The following MTMR8 variants were observed in gnomAD, a reference collection of about 807,000 sequenced individuals.
MTMR8 encodes the protein myotubularin related protein 8, also known as phosphatidylinositol-3,5-bisphosphate 3-phosphatase MTMR8.
A neutral mutation model predicts 39.3 loss-of-function variants in MTMR8; 65 were observed. That is an observed-to-expected ratio of 1.65 (90% CI 1.35 to 2.03). MTMR8 has a LOEUF of 2.03. Among genes scored for constraint, MTMR8 ranks in the 30% most tolerant of loss-of-function variants. The pLI is 0.00. For missense variants in MTMR8, 777 were observed against 538.9 expected, an observed-to-expected ratio of 1.44 and a Z score of -4.37; for synonymous variants, 245 against 185.2, an observed-to-expected ratio of 1.32 and a Z score of -2.62.
chrX:64,280,232 A>G lies in MTMR8; in HGVS notation c.1482-9159T>C, dbSNP rs148363662. 9.5e-3 allele frequency among the ~76,000 whole-genome samples: 1,063 copies of G among 112,003 alleles called. 16 individuals are homozygous for G. Among genetic ancestry groups the G allele is most frequent in the African/African-American group, 0.031 (955 of 30,845 alleles). On this transcript the variant is annotated intron_variant, in intron 12 of 13. Coordinates refer to ENST00000374852, the MANE Select transcript of MTMR8 (RefSeq NM_017677.4). ...CATCATCCTGATACCAAAACCTGGC[A>G]GAGACACAATAAAGAAAGAAAACTT... is the stretch of plus-strand genomic sequence containing the variant.
chrX:64,371,149 CTCAA>C (rs1263035017), intron 1 of MTMR8, among the ~76,000 whole-genome samples: 1 of 111,871 alleles, frequency 8.9e-6, no homozygotes, highest in Non-Finnish European at 1.9e-5. Flanking sequence ...AAGTCCCTAG[CTCAA>C]TCAATTAACA....
intron 13 of MTMR8, among the ~76,000 whole-genome samples, chrX:64,269,486 A>C (rs993253914): frequency 9.0e-6 from 1 of 111,361 alleles, no homozygotes; most frequent in Non-Finnish European, 1.9e-5. Context: ...CACATGTACA[A>C]AGTAAAGAAC....
intron 12 of MTMR8, among the ~76,000 whole-genome samples, chrX:64,308,318 C>T (rs1285755974): frequency 4.8e-5 from 4 of 83,401 alleles, no homozygotes; most frequent in South Asian, 1.0e-3. Flanking sequence ...TCACGGCTGG[C>T]TATTTTTTTT....
At chrX:64,314,204 C>G (rs1922396012) in intron 12 of MTMR8, among the ~76,000 whole-genome samples, 1 of 112,922 alleles carries the variant, frequency 8.9e-6, no homozygotes, top group Non-Finnish European at 1.9e-5. Flanking sequence ...TGAGTGGTAA[C>G]AGCTAAAGTG....
intron 12 of MTMR8, among the ~76,000 whole-genome samples, chrX:64,277,742 T>G (rs779645762): frequency 9.0e-6 from 1 of 111,001 alleles, no homozygotes; most frequent in Admixed American, 9.6e-5. Flanking sequence ...ATCTTTGTGG[T>G]GTTCTCTTAT....
At chrX:64,350,333 G>A (rs1364520835) in intron 4 of MTMR8, among the ~76,000 whole-genome samples, 1 of 109,851 alleles carries the variant, frequency 9.1e-6, no homozygotes, top group Non-Finnish European at 1.9e-5. Flanking sequence ...TCCTCTACCT[G>A]TCTGCTTCAT....
At position 64,381,852 on chromosome X, in the gene MTMR8, A is replaced by G. The variant is rs377695452; in HGVS notation, c.24+13488T>C. On this transcript the variant is annotated intron_variant, in intron 1 of 13. Coordinates refer to ENST00000374852, the MANE Select transcript of MTMR8 (RefSeq NM_017677.4). ...GCCAGTTTTCCAAGCACTATTTATT[A>G]AATAGGGAATTGTTTCCCCATTTCT... Among the ~76,000 whole-genome samples the G allele has an allele frequency of 1.4e-4, 16 of 111,934 alleles. No individual in the cohort carries two copies. The East Asian group carries it at 4.5e-3, about 31-fold the overall frequency.
At chrX:64,279,244 C>T (rs898244048) in intron 12 of MTMR8, among the ~76,000 whole-genome samples, 4 of 112,114 alleles carry the variant, frequency 3.6e-5, no homozygotes, top group Admixed American at 9.5e-5. Flanking sequence ...AAACTCATTT[C>T]GTGTTAGCCA....
At chrX:64,333,376 C>A (rs1022949342) in intron 10 of MTMR8, among the ~76,000 whole-genome samples, 1 of 111,667 alleles carries the variant, frequency 9.0e-6, no homozygotes, top group Non-Finnish European at 1.9e-5. Context: ...AAAAAAATTT[C>A]TAACTTCTGC....
chrX:64,293,168 G>A (rs1401029609), intron 12 of MTMR8, among the ~76,000 whole-genome samples: 2 of 111,313 alleles, frequency 1.8e-5, no homozygotes, highest in African/African-American at 3.3e-5. Flanking sequence ...TTCTCAGGAG[G>A]GCGCCTGATA....
intron 12 of MTMR8, among the ~76,000 whole-genome samples, chrX:64,300,398 A>C (rs1412851455): frequency 2.7e-5 from 3 of 110,144 alleles, no homozygotes; most frequent in South Asian, 3.9e-4. Context: ...AGCATTGCAA[A>C]CCCTGCCTTT....
intron 10 of MTMR8, among the ~76,000 whole-genome samples, chrX:64,334,301 CT>C (rs1432258027): frequency 9.1e-6 from 1 of 110,095 alleles, no homozygotes; most frequent in Non-Finnish European, 1.9e-5. Context: ...AGGCAGAAAC[CT>C]TTGAGTTTTA....
At chrX:64,273,378 C>T (rs1308692542) in intron 12 of MTMR8, among the ~76,000 whole-genome samples, 2 of 108,434 alleles carry the variant, frequency 1.8e-5, no homozygotes, top group Non-Finnish European at 3.8e-5. Context: ...GACTGTTAGA[C>T]ATTTTATGTA....
intron 1 of MTMR8, among the ~76,000 whole-genome samples, chrX:64,385,124 T>A (rs1193810357): frequency 1.8e-5 from 2 of 112,130 alleles, no homozygotes; most frequent in African/African-American, 6.5e-5. Flanking sequence ...CACTAAATCA[T>A]CATTCTCAAG....
intron 1 of MTMR8, among the ~76,000 whole-genome samples, chrX:64,390,040 C>T (rs1924655527): frequency 8.9e-6 from 1 of 111,835 alleles, no homozygotes; most frequent in South Asian, 3.8e-4. Flanking sequence ...CACTTCTTTA[C>T]CCAGTTTTAT....
At chrX:64,297,826 T>A (rs1332116073) in intron 12 of MTMR8, among the ~76,000 whole-genome samples, 1 of 110,717 alleles carries the variant, frequency 9.0e-6, no homozygotes, top group Non-Finnish European at 1.9e-5. Context: ...CAGCACCATT[T>A]ATTAAATAGG....
chrX:64,362,632 G>T (rs779781644), intron 1 of MTMR8, among the ~76,000 whole-genome samples: 12 of 109,656 alleles, frequency 1.1e-4, no homozygotes, highest in Admixed American at 2.0e-4. Context: ...ATGTGTTGGG[G>T]AAACAGTATT....
intron 6 of MTMR8, among the ~76,000 whole-genome samples, chrX:64,348,435 T>A (rs1397183636): frequency 9.0e-6 from 1 of 111,367 alleles, no homozygotes; most frequent in Non-Finnish European, 1.9e-5. Context: ...CACACTGAGG[T>A]GGGAAAGACA....
intron 1 of MTMR8, among the ~76,000 whole-genome samples, chrX:64,366,081 T>C (rs767067205): frequency 5.5e-4 from 62 of 112,051 alleles, no homozygotes; most frequent in Non-Finnish European, 7.0e-4. Context: ...ATGCACCCAA[T>C]ACGGGAACAC....
Sources: allele counts gnomAD v4.1 joint callset (sites outside exome capture counted in the v4.1 genomes callset), GRCh38; gene constraint gnomAD v4.1.1; transcripts MANE v1.5; gene names NCBI Gene and HGNC (gene_info 2026-07-23, HGNC 2026-07-21).